RRM1: variants seen among roughly 807,000 people sequenced by gnomAD.
RRM1 encodes the protein ribonucleotide reductase catalytic subunit M1.
Under a neutral mutation model 101.5 loss-of-function variants are expected in RRM1, and 19 were observed. That is an observed-to-expected ratio of 0.19 (90% CI 0.13 to 0.27). The LOEUF (loss-of-function observed/expected upper bound fraction) is 0.27, where lower values mean the gene tolerates loss of function less well. Ranked by LOEUF, RRM1 falls within the 10% of genes least tolerant of loss-of-function variation. RRM1 has a pLI of 1.00. For synonymous variants in RRM1, 298 were observed against 323.4 expected, an observed-to-expected ratio of 0.92 and a Z score of 0.84; for missense variants, 500 against 962.9, an observed-to-expected ratio of 0.52 and a Z score of 6.36.
intron 14 of RRM1, among the ~76,000 whole-genome samples, chr11:4,128,151 C>G (rs1301160741): frequency 6.7e-6 from 1 of 150,270 alleles, no homozygotes; most frequent in South Asian, 2.1e-4. Flanking sequence ...CTCACCACCC[C>G]CCTGTCCCGC....
chr11:4,130,066 T>TTATATATATA lies in RRM1; in HGVS notation c.1769+928_1769+937dup, dbSNP rs746526097. On this transcript the variant is annotated intron_variant, in intron 15 of 18. Coordinates refer to ENST00000300738, the MANE Select transcript of RRM1 (RefSeq NM_001033.5). Reference sequence around the variant, plus strand: ...TTAAGAAAATGGACCTGTACTGTATTTATATATATATATATATATATTTTT... The same window carrying TTATATATATA: ...TTAAGAAAATGGACCTGTACTGTATTTATATATATATATATATATATATATATATATTTTT... Among the ~76,000 whole-genome samples, 45 of 32,988 alleles carry TTATATATATA rather than the reference T, an allele frequency of 1.4e-3. 3 individuals are homozygous for TTATATATATA. The highest frequency in any genetic ancestry group is 6.2e-3 in the South Asian group (4 of 650). 21.6% of individuals were successfully genotyped at this position (32,988 alleles called of 152,430 possible).
chr11:4,111,899 G>A lies in RRM1; in HGVS notation c.488-1G>A, dbSNP rs2094566091. On this transcript the variant is annotated splice_acceptor_variant, in intron 6 of 18. Coordinates refer to ENST00000300738, the MANE Select transcript of RRM1 (RefSeq NM_001033.5). LOFTEE classifies it high-confidence loss of function. The stretch of plus-strand genomic sequence containing the variant: ...TGTGAAAACTCCTCTTTTGTCTATA[G>A]TGGCTGAAAGACCACAACATATGTT... 6.2e-7 allele frequency: 1 copy of A among 1,611,854 alleles called. No individual in the cohort carries two copies. Among genetic ancestry groups the A allele is most frequent in the African/African-American group, 1.3e-5 (1 of 74,818 alleles).
chr11:4,124,704 C>T (rs919088393), intron 12 of RRM1, among the ~76,000 whole-genome samples: 16 of 151,754 alleles, frequency 1.1e-4, no homozygotes, highest in African/African-American at 3.4e-4. Flanking sequence ...CCTTTTTTTT[C>T]GGGGGGCGTC....
intron 15 of RRM1, among the ~76,000 whole-genome samples, chr11:4,130,963 C>T (rs1480910656): frequency 1.3e-5 from 2 of 151,954 alleles, no homozygotes; most frequent in African/African-American, 4.8e-5. Flanking sequence ...GGTGGAGAAC[C>T]ACCCCCCAAA....
At chr11:4,101,568 C>CCCCCCCGCCG in intron 1 of RRM1, among the ~76,000 whole-genome samples, 1 of 137,982 alleles carries the variant, frequency 7.2e-6, no homozygotes, top group African/African-American at 2.8e-5. Context: ...CACCCCCCCC[C>CCCCCCCGCCG]GCTCCCTTGG....
At chr11:4,120,506 A>G (rs1181058467) in intron 9 of RRM1, among the ~76,000 whole-genome samples, 3 of 151,992 alleles carry the variant, frequency 2.0e-5, no homozygotes, top group Non-Finnish European at 4.4e-5. Context: ...CTCAGACTAT[A>G]GGCCTGTGCC....
At chr11:4,137,442 G>T (rs1223982075) in intron 18 of RRM1, among the ~76,000 whole-genome samples, 2 of 144,982 alleles carry the variant, frequency 1.4e-5, no homozygotes, top group Non-Finnish European at 3.1e-5. Context: ...TGGCCGGGCG[G>T]GGGGCTCACA....
At chr11:4,105,764 T>C (rs751579617) in intron 2 of RRM1, 10 of 404,422 alleles carry the variant, frequency 2.5e-5, no homozygotes, top group Non-Finnish European at 4.6e-5. Flanking sequence ...GTGGTCTTCC[T>C]AGCTTGCCCA....
intron 15 of RRM1, among the ~76,000 whole-genome samples, chr11:4,131,321 G>A (rs1313236987): frequency 1.3e-5 from 2 of 152,222 alleles, no homozygotes; most frequent in African/African-American, 2.4e-5. Flanking sequence ...CTCCCGTAAC[G>A]TGGGGATTAT....
intron 4 of RRM1, among the ~76,000 whole-genome samples, chr11:4,107,962 C>T (rs528289938): frequency 6.6e-6 from 1 of 152,186 alleles, no homozygotes; most frequent in East Asian, 1.9e-4. Flanking sequence ...ATTTGTTTTT[C>T]ATCTTTTCAC....
At chr11:4,103,781 A>ATT (rs36062278) in intron 2 of RRM1, among the ~76,000 whole-genome samples, 7,380 of 115,184 alleles carry the variant, frequency 0.064, 370 homozygotes, top group African/African-American at 0.11. Flanking sequence ...CCACCACGCT[A>ATT]TTTTTTTTTT....
At chr11:4,129,740 CTT>C (rs1233362620) in intron 15 of RRM1, among the ~76,000 whole-genome samples, 4 of 151,902 alleles carry the variant, frequency 2.6e-5, no homozygotes, top group Admixed American at 6.6e-5. Context: ...ATCGTGATGA[CTT>C]TGTCATTTAT....
At chr11:4,126,884 A>G in intron 13 of RRM1, 51 bp downstream of exon 13, 1 of 1,514,168 alleles carries the variant, frequency 6.6e-7, no homozygotes, top group African/African-American at 1.4e-5. Context: ...CCAAATTGAA[A>G]GGAATCAATC....
chr11:4,129,298 G>A (rs1191039851), intron 15 of RRM1, 148 bp downstream of exon 15: 3 of 511,548 alleles, frequency 5.9e-6, no homozygotes, highest in Admixed American at 7.4e-5. Context: ...AACTATTTTG[G>A]GAAAAAACTT....
chr11:4,130,087 T>TATATATATA (rs869309117), intron 15 of RRM1, among the ~76,000 whole-genome samples: 136 of 61,614 alleles, frequency 2.2e-3, no homozygotes, highest in African/African-American at 4.9e-3. Flanking sequence ...TATATATATA[T>TATATATATA]TTTTTTTTTT....
At chr11:4,102,109 T>C (rs1403010447) in intron 2 of RRM1, 28 bp downstream of exon 2, 2 of 1,159,994 alleles carry the variant, frequency 1.7e-6, no homozygotes, top group Admixed American at 3.5e-5. Context: ...TTATCTTGGG[T>C]TCCTTCTTTC....
At chr11:4,125,897 C>T (rs1415217822) in intron 12 of RRM1, among the ~76,000 whole-genome samples, 1 of 152,110 alleles carries the variant, frequency 6.6e-6, no homozygotes, top group Non-Finnish European at 1.5e-5. Flanking sequence ...TGAAGGGCAT[C>T]AAGAGTTCAA....
chr11:4,101,315 ATTT>A (rs111807668), intron 1 of RRM1, among the ~76,000 whole-genome samples: 1 of 142,368 alleles, frequency 7.0e-6, no homozygotes, highest in African/African-American at 2.6e-5. Flanking sequence ...GATTCTGTGG[ATTT>A]TTTTTTTTTT....
intron 18 of RRM1, chr11:4,137,403 C>CCCCCCACCTCCCT: frequency 7.8e-6 from 1 of 127,816 alleles, no homozygotes; most frequent in South Asian, 2.1e-4. Flanking sequence ...GGGGGGCTGA[C>CCCCCCACCTCCCT]CCCCCACCTC....
Sources: gnomAD v4.1 joint callset for allele counts (sites outside exome capture counted in the v4.1 genomes callset) on GRCh38, gnomAD v4.1.1 for gene constraint, MANE v1.5 for transcripts, NCBI Gene and HGNC (gene_info 2026-07-23, HGNC 2026-07-21) for gene names.